PJA2: variants seen among roughly 807,000 people sequenced by gnomAD.
PJA2 encodes E3 ubiquitin-protein ligase Praja-2.
A neutral mutation model predicts 69.3 loss-of-function variants in PJA2; 25 were observed. The ratio of observed to expected loss-of-function variants is 0.36; its 90% CI spans 0.26 to 0.50. The LOEUF is 0.50. PJA2 is among the 20% of genes least tolerant of loss of function. PJA2 has a pLI of 0.96. For synonymous variants in PJA2, 308 were observed against 277.8 expected, an observed-to-expected ratio of 1.11 and a Z score of -1.08; for missense variants, 809 against 830.2, an observed-to-expected ratio of 0.97 and a Z score of 0.31.
intron 1 of PJA2, among the ~76,000 whole-genome samples, chr5:109,390,010 C>G (rs926335560): frequency 2.0e-5 from 3 of 151,612 alleles, no homozygotes; most frequent in African/African-American, 7.3e-5. Context: ...CTTTATGACC[C>G]AGAATATTTT....
intron 3 of PJA2, among the ~76,000 whole-genome samples, chr5:109,380,759 C>T (rs143157124): frequency 1.0e-3 from 147 of 144,776 alleles, no homozygotes; most frequent in Non-Finnish European, 1.9e-3. Context: ...GAGCCCAGAT[C>T]ACGTCACTGC....
chr5:109,369,521 C>A (rs556824593), intron 4 of PJA2, among the ~76,000 whole-genome samples: 5 of 152,188 alleles, frequency 3.3e-5, no homozygotes, highest in Non-Finnish European at 7.3e-5. Context: ...AGACTTACTG[C>A]ATATCTAACA....
At chr5:109,363,764 C>G (rs1762535679) in intron 5 of PJA2, among the ~76,000 whole-genome samples, 1 of 151,944 alleles carries the variant, frequency 6.6e-6, no homozygotes, top group Admixed American at 6.6e-5. Context: ...CTACTAGAAA[C>G]TAACTAAACA....
At chr5:109,406,475 C>T (rs916864459) in intron 1 of PJA2, among the ~76,000 whole-genome samples, 4 of 152,128 alleles carry the variant, frequency 2.6e-5, no homozygotes, top group Admixed American at 1.3e-4. Context: ...CAGTATGATA[C>T]TACTATATAC....
chr5:109,397,034 G>T (rs377508220), intron 1 of PJA2, among the ~76,000 whole-genome samples: 1 of 152,164 alleles, frequency 6.6e-6, no homozygotes, highest in East Asian at 1.9e-4. Flanking sequence ...TGAAGTCATA[G>T]GGCTCTGCCC....
At chr5:109,373,140 T>TAA (rs1245152413) in intron 4 of PJA2, among the ~76,000 whole-genome samples, 21 of 152,062 alleles carry the variant, frequency 1.4e-4, no homozygotes, top group African/African-American at 4.8e-4. Context: ...TTCAAGGCAG[T>TAA]AAGAAGAGTG....
chr5:109,363,951 A>C (rs1022386339), intron 5 of PJA2, among the ~76,000 whole-genome samples: 2 of 152,128 alleles, frequency 1.3e-5, no homozygotes, highest in Non-Finnish European at 2.9e-5. Context: ...CAGGAGTTTG[A>C]GACCAGCCTG....
chr5:109,349,983 G>A (rs1372798883), intron 7 of PJA2, among the ~76,000 whole-genome samples: 1 of 152,038 alleles, frequency 6.6e-6, no homozygotes, highest in Non-Finnish European at 1.5e-5. Context: ...GATAGAACCT[G>A]CTTGCAAGAA....
chr5:109,364,316 G>C (rs1300919464), intron 5 of PJA2, among the ~76,000 whole-genome samples: 1 of 152,040 alleles, frequency 6.6e-6, no homozygotes, highest in Non-Finnish European at 1.5e-5. Context: ...ATAGTCATGA[G>C]GAAATTTTAT....
intron 9 of PJA2, among the ~76,000 whole-genome samples, chr5:109,342,148 G>T (rs1762079412): frequency 8.7e-6 from 1 of 115,276 alleles, no homozygotes; most frequent in South Asian, 2.8e-4. Flanking sequence ...GGAGGGAGGT[G>T]GGGGGGTCAG....
chr5:109,366,690 A>C (rs1762589622), intron 5 of PJA2, among the ~76,000 whole-genome samples: 1 of 152,226 alleles, frequency 6.6e-6, no homozygotes, highest in African/African-American at 2.4e-5. Context: ...GTCTTTGTTT[A>C]CTGATATAAC....
At position 109,335,243 on chromosome 5, in the gene PJA2, C is replaced by G. The variant is rs1429918492; in HGVS notation, c.*1988G>C. On this transcript the variant is annotated 3_prime_UTR_variant, in exon 10 of 10. Coordinates refer to ENST00000361189, the MANE Select transcript of PJA2 (RefSeq NM_014819.5). ...TTAAGCCAACTCTTATTCAACTTTT[C>G]TTCTTCACAGCAGCTGTTTATAGAT... The G allele has an allele frequency of 6.6e-6, 1 of 152,550 alleles. No homozygotes were observed. Among genetic ancestry groups the G allele is most frequent in the African/African-American group, 2.4e-5 (1 of 41,414 alleles). 9.4% of individuals were successfully genotyped at this position (152,550 alleles called of 1,614,324 possible). A position where few individuals can be genotyped will look rare whatever the true frequency, so the allele number is the denominator to read the frequency against.
chr5:109,405,544 T>C (rs932347431), intron 1 of PJA2, among the ~76,000 whole-genome samples: 11 of 152,228 alleles, frequency 7.2e-5, no homozygotes, highest in African/African-American at 2.7e-4. Flanking sequence ...AACTCAGTAC[T>C]GGCAAAATTA....
At chr5:109,341,654 G>A (rs1762064267) in intron 9 of PJA2, among the ~76,000 whole-genome samples, 1 of 49,362 alleles carries the variant, frequency 2.0e-5, no homozygotes, top group Admixed American at 1.4e-4. Context: ...GAGGTGGGGG[G>A]GTGAGCCCTC....
chr5:109,403,291 G>C (rs1362915234), intron 1 of PJA2, among the ~76,000 whole-genome samples: 1 of 152,070 alleles, frequency 6.6e-6, no homozygotes, highest in Non-Finnish European at 1.5e-5. Flanking sequence ...GTGAGTGAAA[G>C]TGATTCATAC....
rs989010563 is a variant in PJA2, at chr5:109,344,614, A to T, written c.1879+91T>A. 20 of 868,532 alleles carry T rather than the reference A, an allele frequency of 2.3e-5. No homozygotes were observed. The South Asian group carries it at 4.7e-4, about 20-fold the overall frequency. The allele number at this position is 868,532 out of a possible 1,614,324, so 53.8% of individuals were successfully genotyped here. ...TAAAAAAAATCTAGTGAAAGTTTCT[A>T]ATAATCAAGTATTTAATTATCTAGG... On this transcript the variant is annotated intron_variant, in intron 8 of 9. Coordinates refer to ENST00000361189, the MANE Select transcript of PJA2 (RefSeq NM_014819.5).
chr5:109,344,124 A>C, intron 9 of PJA2, 66 bp downstream of exon 9: 1 of 847,826 alleles, frequency 1.2e-6, no homozygotes, highest in Non-Finnish European at 1.7e-6. Context: ...AAAAAAAGAT[A>C]CTATTATTCA....
intron 6 of PJA2, among the ~76,000 whole-genome samples, chr5:109,360,253 G>A (rs185784055): frequency 2.6e-5 from 4 of 152,240 alleles, no homozygotes; most frequent in African/African-American, 9.6e-5. Context: ...TAAACAAATG[G>A]TAGAGTTGGG....
At chr5:109,408,735 A>G (rs1431517063) in intron 1 of PJA2, among the ~76,000 whole-genome samples, 2 of 152,246 alleles carry the variant, frequency 1.3e-5, no homozygotes, top group Non-Finnish European at 2.9e-5. Context: ...GAATTTTTAA[A>G]ATTAAGTGGT....
Sources: allele counts gnomAD v4.1 joint callset (sites outside exome capture counted in the v4.1 genomes callset), GRCh38; gene constraint gnomAD v4.1.1; transcripts MANE v1.5; gene names NCBI Gene and HGNC (gene_info 2026-07-23, HGNC 2026-07-21).